MAN2B2: variants seen among roughly 807,000 people sequenced by gnomAD.
MAN2B2 encodes the protein mannosidase alpha class 2B member 2.
In MAN2B2, 106 loss-of-function variants were observed where a neutral mutation model predicts 117.1. The observed-to-expected ratio is 0.90, with a 90% confidence interval of 0.77 to 1.06. The LOEUF is 1.06. Among genes scored for constraint, MAN2B2 ranks in the 50% least tolerant of loss-of-function variants. MAN2B2 has a pLI of 0.00. For synonymous variants in MAN2B2, 544 were observed against 595.1 expected, an observed-to-expected ratio of 0.91 and a Z score of 1.25; for missense variants, 1,326 against 1,381.4, an observed-to-expected ratio of 0.96 and a Z score of 0.64.
At chr4:6,621,104 A>C (rs932510956) in intron 18 of MAN2B2, 84 bp from the exon 19 acceptor site, 25 of 951,082 alleles carry the variant, frequency 2.6e-5, no homozygotes, top group Admixed American at 2.3e-4. Flanking sequence ...GCCACAGCAG[A>C]CTGTAGACAG....
chr4:6,609,133 C>A lies in MAN2B2; in HGVS notation c.1841C>A (p.Thr614Asn), dbSNP rs532180630. ...CAGAGTAACCGAACGGTGCGCGTGA[C>A]CCAGGAATTCCTGGAGTACCACGTC... ...ERQSNRTVRV[T>N]QEFLEYHVNG... The change falls in exon 12 of 19, where the codon ACC (threonine) becomes AAC (asparagine). Residue 614 changes from threonine (T) to asparagine (N), a missense_variant. Transcript: ENST00000285599. The A allele has an allele frequency of 2.2e-5, 36 of 1,614,096 alleles. No individual in the cohort carries two copies. In the South Asian group the frequency reaches 3.6e-4, roughly 16 times the overall value.
At chr4:6,604,588 C>T (rs1467291778) in intron 10 of MAN2B2, among the ~76,000 whole-genome samples, 2 of 151,636 alleles carry the variant, frequency 1.3e-5, no homozygotes, top group South Asian at 2.1e-4. Context: ...GAAGGGCCAT[C>T]GTTGGATGGG....
At chr4:6,600,380 A>G (rs1261001758) in intron 9 of MAN2B2, among the ~76,000 whole-genome samples, 1 of 152,240 alleles carries the variant, frequency 6.6e-6, no homozygotes, top group Non-Finnish European at 1.5e-5. Context: ...CCAGGGCGAC[A>G]CGGACACCTT....
chr4:6,588,630 G>A (rs957221719), intron 4 of MAN2B2, among the ~76,000 whole-genome samples: 9 of 152,238 alleles, frequency 5.9e-5, no homozygotes, highest in African/African-American at 9.6e-5. Flanking sequence ...CAGGACAATC[G>A]CTTGAACCAG....
rs151198737 is a variant in MAN2B2 at position 6,602,122 on chromosome 4, G to T, written c.1539+1366G>T. Reference sequence around the variant, plus strand: ...CCCCAGTGAGGAAGAGGTGGAGCAGGCTCCATATTCAAGCACCACCAGCCG... The same window carrying T: ...CCCCAGTGAGGAAGAGGTGGAGCAGTCTCCATATTCAAGCACCACCAGCCG... On this transcript the variant is annotated intron_variant, in intron 10 of 18. Coordinates refer to ENST00000285599, the MANE Select transcript of MAN2B2 (RefSeq NM_015274.3). 3.9e-5 allele frequency among the ~76,000 whole-genome samples: 6 copies of T among 152,308 alleles called. 1 individual carries two copies. The highest frequency in any genetic ancestry group is 2.0e-4 in the Admixed American group (3 of 15,298).
intron 10 of MAN2B2, among the ~76,000 whole-genome samples, chr4:6,604,168 G>A (rs1000377278): frequency 3.3e-5 from 5 of 152,196 alleles, no homozygotes; most frequent in African/African-American, 1.2e-4. Context: ...TGATGCTGGA[G>A]CCCCAAGGGC....
chr4:6,575,459 C>T, intron 1 of MAN2B2, 111 bp downstream of exon 1: 2 of 795,944 alleles, frequency 2.5e-6, no homozygotes, highest in Middle Eastern at 3.2e-4. Context: ...GAAGGAGGCT[C>T]AGTGGGTTCA....
chr4:6,579,334 C>T (rs1335002850), intron 3 of MAN2B2, among the ~76,000 whole-genome samples: 50 of 101,884 alleles, frequency 4.9e-4, no homozygotes, highest in Middle Eastern at 5.8e-3. Context: ...ACCACCACCA[C>T]CACCACCATC....
At chr4:6,617,266 G>T in intron 16 of MAN2B2, 114 bp from the exon 17 acceptor site, 1 of 741,974 alleles carries the variant, frequency 1.3e-6, no homozygotes, top group South Asian at 1.7e-5. Context: ...AAACCATATC[G>T]AGGAGGTTAC....
At chr4:6,620,886 C>T (rs1284920271) in intron 18 of MAN2B2, 2 of 336,636 alleles carry the variant, frequency 5.9e-6, no homozygotes, top group African/African-American at 4.2e-5. Flanking sequence ...GAATTGAGGC[C>T]ACTAGGGCCA....
Position 6,608,833 on chromosome 4 carries a change from C to T in MAN2B2, c.1815-274C>T, listed in dbSNP as rs779238011. 1.2e-4 allele frequency among the ~76,000 whole-genome samples: 18 copies of T among 152,152 alleles called. 1 individual carries two copies. The highest frequency in any genetic ancestry group is 5.9e-4 in the Admixed American group (9 of 15,260). On this transcript the variant is annotated intron_variant, in intron 11 of 18. Transcript: ENST00000285599. ...GACCACAGCCTGGGTGAGCCAGTTC[C>T]ATCTCTTGGGGGTGCCCTCTGCTGA...
intron 15 of MAN2B2, among the ~76,000 whole-genome samples, chr4:6,612,362 A>C (rs1711608189): frequency 6.6e-6 from 1 of 152,198 alleles, no homozygotes; most frequent in African/African-American, 2.4e-5. Flanking sequence ...TCGTGGGTGT[A>C]GAGGAGTGTG....
intron 10 of MAN2B2, among the ~76,000 whole-genome samples, chr4:6,604,761 GA>G (rs1727470369): frequency 6.6e-6 from 1 of 152,102 alleles, no homozygotes; most frequent in Non-Finnish European, 1.5e-5. Flanking sequence ...TTTGGTTGAT[GA>G]AGGATGATTA....
At chr4:6,575,982 G>T (rs1166548841) in intron 1 of MAN2B2, among the ~76,000 whole-genome samples, 1 of 152,174 alleles carries the variant, frequency 6.6e-6, no homozygotes, top group Admixed American at 6.5e-5. Context: ...CTGACTCCCT[G>T]CTCGGTGCTC....
At chr4:6,606,955 A>T (rs1042135145) in intron 11 of MAN2B2, among the ~76,000 whole-genome samples, 3 of 152,210 alleles carry the variant, frequency 2.0e-5, no homozygotes, top group Non-Finnish European at 2.9e-5. Flanking sequence ...CACATAACAC[A>T]CAATTCACCC....
rs1165629533 is a variant in MAN2B2, at chr4:6,580,175, C to T, written c.391+1677C>T. 7.9e-5 allele frequency among the ~76,000 whole-genome samples: 12 copies of T among 152,316 alleles called. No individual in the cohort carries two copies. In the South Asian group the frequency reaches 2.5e-3, roughly 32 times the overall value. ...TACTGCCTTACATCTGGACTTTGCT[C>T]AAACCCTAGACTTGCCCTTCCATGA... On this transcript the variant is annotated intron_variant, in intron 3 of 18. Coordinates refer to ENST00000285599, the MANE Select transcript of MAN2B2 (RefSeq NM_015274.3).
intron 10 of MAN2B2, among the ~76,000 whole-genome samples, chr4:6,602,495 C>T (rs1182078215): frequency 6.6e-6 from 1 of 152,110 alleles, no homozygotes; most frequent in Non-Finnish European, 1.5e-5. Context: ...TAATCACCTC[C>T]CCAAGGCCCC....
intron 16 of MAN2B2, among the ~76,000 whole-genome samples, chr4:6,616,120 T>C (rs779171258): frequency 1.7e-4 from 26 of 152,152 alleles, no homozygotes; most frequent in Non-Finnish European, 2.8e-4. Context: ...TTTTTTTTAA[T>C]ACTGATGCCT....
chr4:6,589,305 A>G lies in MAN2B2; in HGVS notation c.680+145A>G, dbSNP rs569772093. ...GCCCAGGCCGGAGTGCAGTAGCGCA[A>G]TCTTGGCTCACTGCAACCTCCGCCT... On this transcript the variant is annotated intron_variant, in intron 5 of 18. Transcript: ENST00000285599. The G allele has an allele frequency of 1.2e-4, 72 of 619,038 alleles. 1 individual carries two copies. The highest frequency in any genetic ancestry group is 1.7e-4 in the Non-Finnish European group (59 of 354,268). The allele number at this position is 619,038 out of a possible 1,614,324, so 38.3% of individuals were successfully genotyped here. A position where few individuals can be genotyped will look rare whatever the true frequency, so the allele number is the denominator to read the frequency against.
Sources: allele counts gnomAD v4.1 joint callset (sites outside exome capture counted in the v4.1 genomes callset), GRCh38; gene constraint gnomAD v4.1.1; transcripts MANE v1.5; gene names NCBI Gene and HGNC (gene_info 2026-07-23, HGNC 2026-07-21).